OSBPL2: variants seen among roughly 807,000 people sequenced by gnomAD.
OSBPL2 encodes oxysterol binding protein like 2, also known as oxysterol-binding protein-related protein 2.
A neutral mutation model predicts 58.4 loss-of-function variants in OSBPL2; 18 were observed. The ratio of observed to expected loss-of-function variants is 0.31; its 90% CI spans 0.21 to 0.46. The LOEUF (loss-of-function observed/expected upper bound fraction) is 0.46. OSBPL2 is among the 20% of genes least tolerant of loss of function. OSBPL2 has a pLI of 1.00. For synonymous variants in OSBPL2, 221 were observed against 234.1 expected (o/e 0.94, Z 0.51); for missense variants, 461 against 616.5 (o/e 0.75, Z 2.67).
At chr20:62,280,176 C>G (rs1028340860) in intron 7 of OSBPL2, 42 of 1,147,798 alleles carry the variant, frequency 3.7e-5, no homozygotes, top group Non-Finnish European at 2.3e-5. Context: ...CAGGTCCTAA[C>G]AAATACATAC....
chr20:62,288,438 GCAGAGGCTGGGAGGCTGTGGGTA>G lies in OSBPL2; in HGVS notation c.1126-761_1126-739del. On this transcript the variant is annotated intron_variant, in intron 11 of 13. Transcript: ENST00000313733. The surrounding 1 kb of genome is among the most constrained non-coding windows in gnomAD (Gnocchi z 4.8). The stretch of plus-strand genomic sequence containing the variant: ...GTGCAGAGGCTGGGAGGCTATGGGT[GCAGAGGCTGGGAGGCTGTGGGTA>G]CAGAGGCCGGAGGCTGTGGGTGCAG... 7.0e-6 allele frequency among the ~76,000 whole-genome samples: 1 copy of G among 143,768 alleles called. No individual in the cohort carries two copies. Among genetic ancestry groups the G allele is most frequent in the Non-Finnish European group, 1.6e-5 (1 of 64,376 alleles). 94.3% of individuals were successfully genotyped at this position (143,768 alleles called of 152,430 possible).
At chr20:62,239,190 C>G (rs1318970929) in intron 1 of OSBPL2, 1 of 152,270 alleles carries the variant, frequency 6.6e-6, no homozygotes, top group Non-Finnish European at 1.5e-5. Context: ...AGCCCTTGTC[C>G]GTTCCCCTGG....
Position 62,291,376 on chromosome 20 carries a change from T to C in OSBPL2, c.1250-327T>C, listed in dbSNP as rs1983497916. The C allele has an allele frequency of 1.0e-5, 4 of 387,510 alleles. No homozygotes were observed. In the Admixed American group the frequency reaches 1.5e-4, roughly 14 times the overall value. 24.0% of individuals were successfully genotyped at this position (387,510 alleles called of 1,614,324 possible). A position where few individuals can be genotyped will look rare whatever the true frequency, so the allele number is the denominator to read the frequency against. ...CTGGCTCCCCGTCCTGAGCGCCTGCTCGCACACCAGGGCATTGGGTGGTGC... is the reference window on the plus strand; with the variant it reads ...CTGGCTCCCCGTCCTGAGCGCCTGCCCGCACACCAGGGCATTGGGTGGTGC... On this transcript the variant is annotated intron_variant, in intron 12 of 13. Coordinates refer to ENST00000313733, the MANE Select transcript of OSBPL2 (RefSeq NM_144498.4).
chr20:62,240,116 G>A (rs567066483), intron 1 of OSBPL2, among the ~76,000 whole-genome samples: 2 of 152,244 alleles, frequency 1.3e-5, no homozygotes, highest in East Asian at 1.9e-4. Context: ...GCCTCCCAAA[G>A]TGCTAGGATT....
rs1555851430 is a variant in OSBPL2, at chr20:62,279,274, G to A, written c.609G>A (p.Lys203=). ...DFLFHGSIYP[K]LKFWGKSVEA... is the part of the protein sequence containing the mutation. ...TGTTCCATGGCTCCATCTACCCCAAGCTCAAGTTCTGGGGCAAAAGCGTGG... is the reference window on the plus strand; with the variant it reads ...TGTTCCATGGCTCCATCTACCCCAAACTCAAGTTCTGGGGCAAAAGCGTGG... Residue 203 remains lysine, a synonymous_variant, in exon 7 of 14, where the codon AAG becomes AAA. Coordinates refer to ENST00000313733, the MANE Select transcript of OSBPL2 (RefSeq NM_144498.4). The A allele has an allele frequency of 1.1e-5, 17 of 1,614,230 alleles. No homozygotes were observed. The highest frequency in any genetic ancestry group is 3.3e-4 in the Middle Eastern group (2 of 6,062).
chr20:62,254,477 C>T (rs908276184), intron 1 of OSBPL2, among the ~76,000 whole-genome samples: 1 of 152,244 alleles, frequency 6.6e-6, no homozygotes, highest in African/African-American at 2.4e-5. Context: ...CTGTCTGCGC[C>T]GGCCTTCAGG....
rs1485417048 is a variant in OSBPL2 at position 62,294,804 on chromosome 20, C to T, written c.*917C>T. ...GTATGCATGTTTAAAATAGAAGTGA[C>T]AAGAATCACATCCGGTTGTGTCCTG... On this transcript the variant is annotated 3_prime_UTR_variant, in exon 14 of 14. Coordinates refer to ENST00000313733, the MANE Select transcript of OSBPL2 (RefSeq NM_144498.4). The T allele has an allele frequency of 6.6e-6, 1 of 152,168 alleles. No individual in the cohort carries two copies. The highest frequency in any genetic ancestry group is 2.4e-5 in the African/African-American group (1 of 41,428). 9.4% of individuals were successfully genotyped at this position (152,168 alleles called of 1,614,324 possible).
chr20:62,291,398 G>A (rs565130823), intron 12 of OSBPL2: 1 of 407,720 alleles, frequency 2.5e-6, no homozygotes, highest in South Asian at 2.1e-5. Context: ...GCATTGGGTG[G>A]TGCCTGGGCC....
intron 12 of OSBPL2, among the ~76,000 whole-genome samples, chr20:62,290,259 G>A (rs562317372): frequency 3.9e-5 from 6 of 152,206 alleles, no homozygotes; most frequent in East Asian, 3.9e-4. Flanking sequence ...GTTTAGAGTC[G>A]GGATCTCACT....
rs1983716173 is a variant in OSBPL2 at position 62,294,179 on chromosome 20, TG to T, written c.*293del. On this transcript the variant is annotated 3_prime_UTR_variant, in exon 14 of 14. Coordinates refer to ENST00000313733, the MANE Select transcript of OSBPL2 (RefSeq NM_144498.4). ...TATGTGGCAGAAATCAGCTGGGGCT[TG>T]TTTAGCTTCCAGCACACTCTCAGTC... The T allele has an allele frequency of 2.1e-6, 1 of 476,692 alleles. No homozygotes were observed. The highest frequency in any genetic ancestry group is 2.7e-5 in the South Asian group (1 of 37,582). 29.5% of individuals were successfully genotyped at this position (476,692 alleles called of 1,614,324 possible).
chr20:62,284,019 G>A lies in OSBPL2; in HGVS notation c.873-27G>A, dbSNP rs376127262. The A allele has an allele frequency of 6.2e-6, 10 of 1,603,974 alleles. No homozygotes were observed. The African/African-American group carries it at 1.3e-4, about 22-fold the overall frequency. ...AAATGGTTTGTAATGACTAAGACTTGTCTTTAAAAATCCCATTTAATTACA... is the reference window on the plus strand; with the variant it reads ...AAATGGTTTGTAATGACTAAGACTTATCTTTAAAAATCCCATTTAATTACA... On this transcript the variant is annotated intron_variant, in intron 9 of 13. Transcript: ENST00000313733.
chr20:62,288,249 G>A lies in OSBPL2; in HGVS notation c.1126-958G>A, dbSNP rs945342429. ...ACGGGTGCTGTTGATGTTTCCTGTG[G>A]CCTTTCTGGCTGCTTGCTGAGATGC... On this transcript the variant is annotated intron_variant, in intron 11 of 13. Coordinates refer to ENST00000313733, the MANE Select transcript of OSBPL2 (RefSeq NM_144498.4). The surrounding 1 kb of genome is among the most constrained non-coding windows in gnomAD (Gnocchi z 4.8). Among the ~76,000 whole-genome samples, 1 of 152,200 alleles carries A rather than the reference G, an allele frequency of 6.6e-6. No homozygotes were observed. The highest frequency in any genetic ancestry group is 2.4e-5 in the African/African-American group (1 of 41,444).
At chr20:62,280,212 G>T in intron 7 of OSBPL2, 1 of 894,076 alleles carries the variant, frequency 1.1e-6, no homozygotes, top group African/African-American at 1.7e-5. Context: ...ACGACACCTT[G>T]CCTGATGAAG....
At chr20:62,247,151 G>A (rs1980175070) in intron 1 of OSBPL2, among the ~76,000 whole-genome samples, 1 of 152,238 alleles carries the variant, frequency 6.6e-6, no homozygotes, top group African/African-American at 2.4e-5. Context: ...TTGACCTTGA[G>A]CGGATGGCAG....
chr20:62,281,089 A>G lies in OSBPL2; in HGVS notation c.706A>G (p.Thr236Ala). The G allele has an allele frequency of 6.2e-7, 1 of 1,614,082 alleles. No homozygotes were observed. Residue 236 changes from threonine (T) to alanine (A), a missense_variant, in exon 8 of 14, where the codon ACC (threonine) becomes GCC (alanine). Thr to Ala is a moderately conservative substitution (Grantham distance 58, BLOSUM62 0). Transcript: ENST00000313733. ...TGAAGCCTACACCTGGACCAACCCCACCTGCTGCGTCCACAACGTCATCAT... is the reference window on the plus strand; with the variant it reads ...TGAAGCCTACACCTGGACCAACCCCGCCTGCTGCGTCCACAACGTCATCAT... The part of the protein sequence containing the change: ...HNEAYTWTNP[T>A]CCVHNVIIGK...
chr20:62,253,947 A>G (rs1980748830), intron 1 of OSBPL2, among the ~76,000 whole-genome samples: 1 of 151,970 alleles, frequency 6.6e-6, no homozygotes, highest in Non-Finnish European at 1.5e-5. Context: ...ACTTGTCACC[A>G]TGCCTGGGCT....
chr20:62,276,018 C>T (rs1273623048), intron 6 of OSBPL2, among the ~76,000 whole-genome samples: 2 of 151,580 alleles, frequency 1.3e-5, no homozygotes, highest in Non-Finnish European at 2.9e-5. Flanking sequence ...AAGCAATTCT[C>T]CTGATTCTCC....
intron 1 of OSBPL2, among the ~76,000 whole-genome samples, chr20:62,241,632 T>C (rs1399463236): frequency 3.3e-5 from 5 of 152,246 alleles, no homozygotes; most frequent in Non-Finnish European, 5.9e-5. Flanking sequence ...ACCAGGGCTC[T>C]TGGGTCCTGG....
At chr20:62,267,481 G>A (rs1268626178) in intron 4 of OSBPL2, among the ~76,000 whole-genome samples, 1 of 152,128 alleles carries the variant, frequency 6.6e-6, no homozygotes, top group Non-Finnish European at 1.5e-5. Context: ...TTGGGGTCTG[G>A]CATCATCTAC....
Sources: gnomAD v4.1 joint callset for allele counts (sites outside exome capture counted in the v4.1 genomes callset) on GRCh38, gnomAD v4.1.1 for gene constraint, Gnocchi (gnomAD v3.1) non-coding constraint, MANE v1.5 for transcripts, NCBI Gene and HGNC (gene_info 2026-07-23, HGNC 2026-07-21) for gene names.